The following LPP variants were observed in gnomAD, a reference collection of about 807,000 sequenced individuals.
The protein encoded by LPP is lipoma-preferred partner.
A neutral mutation model predicts 60.4 loss-of-function variants in LPP; 38 were observed. That is an observed-to-expected ratio of 0.63 (90% CI 0.49 to 0.83). LPP has a LOEUF of 0.83. Among genes scored for constraint, LPP ranks in the 40% least tolerant of loss-of-function variants. The pLI, the probability that LPP is intolerant of heterozygous loss-of-function variation, is 0.00. For synonymous variants in LPP, 328 were observed against 290.8 expected (o/e 1.13, Z -1.30); for missense variants, 902 against 783.6 (o/e 1.15, Z -1.80).
chr3:188,380,500 A>G (rs1776582546), intron 3 of LPP, among the ~76,000 whole-genome samples: 2 of 152,136 alleles, frequency 1.3e-5, no homozygotes, highest in South Asian at 2.1e-4. Context: ...TGTTCATTTG[A>G]CAGATTCCTG....
At chr3:188,465,014 A>T (rs895420100) in intron 4 of LPP, among the ~76,000 whole-genome samples, 5 of 151,334 alleles carry the variant, frequency 3.3e-5, no homozygotes, top group African/African-American at 1.2e-4. Flanking sequence ...GCCCCAAAAC[A>T]TACACACACA....
chr3:188,370,401 G>A (rs1005208582), intron 3 of LPP, among the ~76,000 whole-genome samples: 2 of 152,142 alleles, frequency 1.3e-5, no homozygotes, highest in African/African-American at 4.8e-5. Flanking sequence ...ATAGATGTGG[G>A]TAACTCTCTA....
intron 9 of LPP, among the ~76,000 whole-genome samples, chr3:188,783,178 T>C (rs1560198327): frequency 6.6e-6 from 1 of 152,092 alleles, no homozygotes; most frequent in East Asian, 1.9e-4. Flanking sequence ...ATATTTTCCC[T>C]CCATTGACTC....
intron 3 of LPP, among the ~76,000 whole-genome samples, chr3:188,367,931 G>A (rs1771702113): frequency 6.6e-6 from 1 of 152,150 alleles, no homozygotes; most frequent in African/African-American, 2.4e-5. Context: ...TGACTTTATT[G>A]TTAAAATTCT....
At chr3:188,706,690 T>TA (rs1865542586) in intron 7 of LPP, among the ~76,000 whole-genome samples, 1 of 152,224 alleles carries the variant, frequency 6.6e-6, no homozygotes, top group African/African-American at 2.4e-5. Context: ...GATTTTCACG[T>TA]CCAAGAGCTC....
intron 1 of LPP, among the ~76,000 whole-genome samples, chr3:188,181,929 C>G (rs1450195145): frequency 2.0e-5 from 3 of 152,230 alleles, no homozygotes; most frequent in Non-Finnish European, 4.4e-5. Context: ...CACAATTTAA[C>G]TACTTCATCA....
At chr3:188,698,614 A>T (rs2149553846) in intron 7 of LPP, among the ~76,000 whole-genome samples, 1 of 152,082 alleles carries the variant, frequency 6.6e-6, no homozygotes, top group South Asian at 2.1e-4. Flanking sequence ...GACTCTGAGG[A>T]TTTGGCGCTT....
At chr3:188,331,724 C>T (rs1760136587) in intron 2 of LPP, among the ~76,000 whole-genome samples, 2 of 152,142 alleles carry the variant, frequency 1.3e-5, no homozygotes, top group South Asian at 4.2e-4. Flanking sequence ...GGGACTCCCT[C>T]AAGGCCACAT....
chr3:188,556,155 G>A (rs726711), intron 6 of LPP, among the ~76,000 whole-genome samples: 82,643 of 151,920 alleles, frequency 0.54, 23,800 homozygotes, highest in East Asian at 0.93. Flanking sequence ...AACAGTTATC[G>A]TTACTCTTCT....
intron 6 of LPP, among the ~76,000 whole-genome samples, chr3:188,566,126 C>A (rs1002141224): frequency 6.6e-6 from 1 of 151,934 alleles, no homozygotes; most frequent in African/African-American, 2.4e-5. Flanking sequence ...TAACCAGTGT[C>A]TTTGATGAGG....
At chr3:188,806,088 T>A (rs956724782) in intron 9 of LPP, among the ~76,000 whole-genome samples, 1 of 151,914 alleles carries the variant, frequency 6.6e-6, no homozygotes, top group Admixed American at 6.6e-5. Context: ...TCAATTAGGT[T>A]AATTTGGCTA....
intron 2 of LPP, among the ~76,000 whole-genome samples, chr3:188,278,029 G>A (rs889927667): frequency 6.6e-6 from 1 of 152,110 alleles, no homozygotes; most frequent in African/African-American, 2.4e-5. Flanking sequence ...TCTTGTGCTG[G>A]ATTTTAGCCC....
intron 9 of LPP, among the ~76,000 whole-genome samples, chr3:188,770,751 G>A (rs1304408444): frequency 6.6e-6 from 1 of 152,176 alleles, no homozygotes; most frequent in East Asian, 1.9e-4. Flanking sequence ...GGGTTGGTAT[G>A]AGGCAGTAAA....
At chr3:188,586,420 G>T (rs1580185690) in intron 6 of LPP, among the ~76,000 whole-genome samples, 1 of 152,280 alleles carries the variant, frequency 6.6e-6, no homozygotes, top group East Asian at 1.9e-4. Flanking sequence ...CTACTAAATA[G>T]GCCTCATTAG....
At chr3:188,183,843 A>G (rs939336796) in intron 1 of LPP, among the ~76,000 whole-genome samples, 1 of 152,124 alleles carries the variant, frequency 6.6e-6, no homozygotes, top group Non-Finnish European at 1.5e-5. Context: ...CATGACCTTA[A>G]TTGTCGTACT....
intron 4 of LPP, among the ~76,000 whole-genome samples, chr3:188,449,163 G>A (rs1796017794): frequency 6.6e-6 from 1 of 152,210 alleles, no homozygotes; most frequent in Non-Finnish European, 1.5e-5. Context: ...ATGATTCCAT[G>A]AATATTTCTG....
intron 2 of LPP, among the ~76,000 whole-genome samples, chr3:188,322,807 T>C (rs898875825): frequency 6.6e-6 from 1 of 152,222 alleles, no homozygotes; most frequent in Non-Finnish European, 1.5e-5. Flanking sequence ...CTGTTTGACA[T>C]AGACAATGTC....
intron 5 of LPP, among the ~76,000 whole-genome samples, chr3:188,515,505 A>T (rs1360248138): frequency 6.6e-6 from 1 of 152,192 alleles, no homozygotes; most frequent in Non-Finnish European, 1.5e-5. Context: ...GCCTAATGTA[A>T]CGTTTTTGTG....
At chr3:188,222,934 G>A (rs1716347190) in intron 1 of LPP, among the ~76,000 whole-genome samples, 1 of 152,098 alleles carries the variant, frequency 6.6e-6, no homozygotes, top group South Asian at 2.1e-4. Flanking sequence ...AAATACAGGT[G>A]GAAAATCAAG....
Sources: gnomAD v4.1 joint callset for allele counts (sites outside exome capture counted in the v4.1 genomes callset) on GRCh38, gnomAD v4.1.1 for gene constraint, MANE v1.5 for transcripts, NCBI Gene and HGNC (gene_info 2026-07-23, HGNC 2026-07-21) for gene names.